Variants in PPFIA3 observed in about 807,000 individuals in gnomAD.
The protein encoded by PPFIA3 is liprin-alpha-3.
In PPFIA3, 26 loss-of-function variants were observed where a neutral mutation model predicts 145.8. The observed-to-expected ratio is 0.18, with a 90% CI of 0.13 to 0.25. The LOEUF is 0.25. Among genes scored for constraint, PPFIA3 ranks in the 10% least tolerant of loss-of-function variants. The pLI, the probability that PPFIA3 is intolerant of heterozygous loss-of-function variation, is 1.00. For missense variants in PPFIA3, 1,008 were observed against 1,587.8 expected (o/e 0.63, Z 6.21); for synonymous variants, 645 against 661.4 (o/e 0.98, Z 0.38).
intron 16 of PPFIA3, 50 bp from the exon 17 acceptor site, chr19:49,139,618 C>T (rs773145981): frequency 6.6e-7 from 1 of 1,514,120 alleles, no homozygotes; most frequent in Non-Finnish European, 8.8e-7. Flanking sequence ...TAAGGAGCCC[C>T]CGACATGACT....
In PPFIA3 at chr19:49,119,667, C is replaced by T. The variant is rs1412363764; in HGVS notation, c.-71C>T. 2 of 150,610 alleles carry T rather than the reference C, an allele frequency of 1.3e-5. No homozygotes were observed. Among genetic ancestry groups the T allele is most frequent in the Non-Finnish European group, 3.0e-5 (2 of 67,468 alleles). 9.3% of individuals were successfully genotyped at this position (150,610 alleles called of 1,614,324 possible). A position where few individuals can be genotyped will look rare whatever the true frequency, so the allele number is the denominator to read the frequency against. On this transcript the variant is annotated 5_prime_UTR_variant, in exon 1 of 30. Transcript: ENST00000334186. Reference sequence around the variant, plus strand: ...GGGGCCCCGCCCGGCCCCCCCACTCCACCCCACGTCCCTCCTGCAGCCCAG... The same window carrying T: ...GGGGCCCCGCCCGGCCCCCCCACTCTACCCCACGTCCCTCCTGCAGCCCAG...
At chr19:49,123,357 A>G (rs1452152778) in intron 1 of PPFIA3, among the ~76,000 whole-genome samples, 5 of 151,744 alleles carry the variant, frequency 3.3e-5, no homozygotes, top group Admixed American at 3.3e-4. Flanking sequence ...ATTGGATCTC[A>G]TTATGTTACT....
chr19:49,136,153 G>A (rs2041134604), intron 14 of PPFIA3, among the ~76,000 whole-genome samples: 1 of 152,200 alleles, frequency 6.6e-6, no homozygotes, highest in African/African-American at 2.4e-5. Flanking sequence ...ATGGGACAGG[G>A]AGGGGTGTGT....
chr19:49,141,559 A>AGTGTGT lies in PPFIA3; in HGVS notation c.2462+47_2462+48insTGTGTG, dbSNP rs1568439957. ...GCGTGTGTGTGTGTATGTGAATGTG[A>AGTGTGT]GAGTGTGTGAGGGTGTGTGTGTGCG... is the stretch of plus-strand genomic sequence containing the variant. On this transcript the variant is annotated intron_variant, in intron 19 of 29. Transcript: ENST00000334186. The AGTGTGT allele has an allele frequency of 2.7e-6, 4 of 1,475,128 alleles. No homozygotes were observed. In the African/African-American group the frequency reaches 6.0e-5, roughly 22 times the overall value. The allele number at this position is 1,475,128 out of a possible 1,614,324, so 91.4% of individuals were successfully genotyped here. A position where few individuals can be genotyped will look rare whatever the true frequency, so the allele number is the denominator to read the frequency against.
At chr19:49,139,341 T>C (rs967120325) in intron 16 of PPFIA3, among the ~76,000 whole-genome samples, 3 of 144,754 alleles carry the variant, frequency 2.1e-5, no homozygotes, top group African/African-American at 7.7e-5. Context: ...AAAAAAAAAT[T>C]ACCCGGGCAT....
At position 49,128,406 on chromosome 19, in the gene PPFIA3, G is replaced by A. The variant is rs1167529021; in HGVS notation, c.280G>A (p.Glu94Lys). 5.6e-6 allele frequency: 9 copies of A among 1,613,518 alleles called. No homozygotes were observed. Among genetic ancestry groups the A allele is most frequent in the Non-Finnish European group, 6.8e-6 (8 of 1,179,864 alleles). Residue 94 changes from glutamate to lysine, a missense_variant, in exon 3 of 30, where the codon GAG (glutamate) becomes AAG (lysine). Physicochemically the swap from Glu to Lys is moderately conservative, Grantham distance 56 (BLOSUM62 1). Around this residue, in one of 11 missense-constraint regions of PPFIA3, gnomAD observed 108 missense variants for 144.3 expected, o/e 0.75. Transcript: ENST00000334186. This position sits in a 1 kb window ranked among gnomAD's most constrained non-coding sequence, Gnocchi z 4.1. ...GACGAAGGAGCTGAACTTATGTCGG[G>A]AGCAGCTGCTGGAGAGGGAGGAAGA... The part of the protein sequence containing the change: ...ALTKELNLCR[E>K]QLLEREEEIA...
At position 49,128,485 on chromosome 19, in the gene PPFIA3, G is replaced by A. The variant is rs760839073; in HGVS notation, c.342+17G>A. On this transcript the variant is annotated intron_variant, in intron 3 of 29. Transcript: ENST00000334186. This position sits in a 1 kb window ranked among gnomAD's most constrained non-coding sequence, Gnocchi z 4.1. The stretch of plus-strand genomic sequence containing the variant: ...AACACGCGGGTGAGGGGTGTTGAGG[G>A]CGGGGCCTAAGTGGGGGCGGGGCCT... 6.2e-7 allele frequency: 1 copy of A among 1,607,076 alleles called. No individual in the cohort carries two copies. The highest frequency in any genetic ancestry group is 1.1e-5 in the South Asian group (1 of 90,850).
At chr19:49,144,932 C>CT (rs1228634412) in intron 21 of PPFIA3, among the ~76,000 whole-genome samples, 5,464 of 136,370 alleles carry the variant, frequency 0.04, 210 homozygotes, top group African/African-American at 0.087. Context: ...TCTTTTCTTT[C>CT]TTTTTTTTTT....
rs1044576531 is a variant in PPFIA3 at position 49,127,251 on chromosome 19, G to A, written c.-15-608G>A. ...ACAAAAATTAGCTGGGCATGGTGGC[G>A]GGTTCCTGTAATCCCAGCTACTCGG... On this transcript the variant is annotated intron_variant, in intron 1 of 29. Coordinates refer to ENST00000334186, the MANE Select transcript of PPFIA3 (RefSeq NM_003660.4). 4.0e-4 allele frequency among the ~76,000 whole-genome samples: 61 copies of A among 151,472 alleles called. 2 individuals carry two copies. Among genetic ancestry groups the A allele is most frequent in the Middle Eastern group, 3.4e-3 (1 of 294 alleles).
At chr19:49,141,951 GTA>G (rs1491016962) in intron 19 of PPFIA3, 81 bp from the exon 20 acceptor site, 1 of 1,003,696 alleles carries the variant, frequency 1.0e-6, no homozygotes, top group Non-Finnish European at 1.5e-6. Flanking sequence ...GTGTGTGTGT[GTA>G]TGTGTGCTGA....
chr19:49,138,093 C>G (rs1446358034), intron 15 of PPFIA3, 112 bp from the exon 16 acceptor site: 8 of 1,411,776 alleles, frequency 5.7e-6, no homozygotes, highest in Non-Finnish European at 7.4e-6. Context: ...ATTGCACCGT[C>G]CCCAGAATTC....
chr19:49,136,422 C>T (rs1476741853), intron 14 of PPFIA3, among the ~76,000 whole-genome samples: 1 of 152,126 alleles, frequency 6.6e-6, no homozygotes, highest in Non-Finnish European at 1.5e-5. Flanking sequence ...AATGGCATCG[C>T]TACTAAAAAT....
intron 19 of PPFIA3, 70 bp downstream of exon 19, chr19:49,141,583 CGTGTATGTGTGTGTATGAGTGT>C: frequency 8.2e-7 from 1 of 1,218,882 alleles, no homozygotes; most frequent in South Asian, 1.3e-5. Flanking sequence ...TGTGTGTGTG[CGTGTATGTGTGTGTATGAGTGT>C]GTGTGTGTGT....
At chr19:49,122,634 CTTCCCTGT>C (rs1344863964) in intron 1 of PPFIA3, among the ~76,000 whole-genome samples, 1 of 152,000 alleles carries the variant, frequency 6.6e-6, no homozygotes, top group African/African-American at 2.4e-5. Flanking sequence ...CTAGAATGCC[CTTCCCTGT>C]TTCCCTGTTT....
intron 13 of PPFIA3, 23 bp from the exon 14 acceptor site, chr19:49,135,756 G>T: frequency 6.3e-7 from 1 of 1,593,292 alleles, no homozygotes; most frequent in South Asian, 1.1e-5. Context: ...CTTGGTCTCT[G>T]ACTGCTTTCC....
chr19:49,126,861 C>T lies in PPFIA3; in HGVS notation c.-15-998C>T, dbSNP rs1401208292. 4.6e-5 allele frequency among the ~76,000 whole-genome samples: 7 copies of T among 152,020 alleles called. No homozygotes were observed. In the East Asian group the frequency reaches 1.3e-3, roughly 29 times the overall value. On this transcript the variant is annotated intron_variant, in intron 1 of 29. Transcript: ENST00000334186. ...TAGACACTGATTTTCTCCACATTCA[C>T]TCATACGATACCAGGGTCGGCCAGC... is the stretch of plus-strand genomic sequence containing the variant.
chr19:49,138,450 A>G (rs1185527916), intron 16 of PPFIA3, 23 bp downstream of exon 16: 2 of 1,485,034 alleles, frequency 1.3e-6, no homozygotes, highest in Non-Finnish European at 1.8e-6. Context: ...AAGTCTCCCC[A>G]GCCTAGTAGG....
rs1780752301 is a variant in PPFIA3, at chr19:49,120,511, C to T, written c.-16+789C>T. 6.6e-6 allele frequency among the ~76,000 whole-genome samples: 1 copy of T among 152,164 alleles called. No individual in the cohort carries two copies. Among genetic ancestry groups the T allele is most frequent in the Non-Finnish European group, 1.5e-5 (1 of 68,006 alleles). ...CCCCGTTCGGGAAGCCTGTCCGTGT[C>T]TACACCTCTGCTGGCCCCAGGTGGT... On this transcript the variant is annotated intron_variant, in intron 1 of 29. Transcript: ENST00000334186. The surrounding 1 kb of genome is among the most constrained non-coding windows in gnomAD (Gnocchi z 4.6).
chr19:49,127,754 T>G (rs2041020158), intron 1 of PPFIA3, 105 bp from the exon 2 acceptor site: 1 of 1,381,958 alleles, frequency 7.2e-7, no homozygotes, highest in African/African-American at 1.5e-5. Flanking sequence ...AGTGCTTGGT[T>G]TGCCCCCAAC....
Sources: allele counts gnomAD v4.1 joint callset (sites outside exome capture counted in the v4.1 genomes callset), GRCh38; gene constraint gnomAD v4.1.1; regional missense constraint gnomAD v4.1.1; non-coding constraint Gnocchi (gnomAD v3.1); transcripts MANE v1.5; gene names NCBI Gene and HGNC (gene_info 2026-07-23, HGNC 2026-07-21).